Variants in GRIK4 observed in about 807,000 individuals in gnomAD.
The protein encoded by GRIK4 is glutamate ionotropic receptor kainate type subunit 4.
In GRIK4, 40 loss-of-function variants were observed where a neutral mutation model predicts 104.9. The observed-to-expected ratio is 0.38, with a 90% CI of 0.30 to 0.50. GRIK4 has a LOEUF of 0.50. Among genes scored for constraint, GRIK4 ranks in the 20% least tolerant of loss-of-function variants. The probability of loss-of-function intolerance (pLI) is 0.93; values close to 1 mark genes in which losing one functional copy is unlikely to be tolerated. For synonymous variants in GRIK4, 485 were observed against 524.9 expected, an observed-to-expected ratio of 0.92 and a Z score of 1.04; for missense variants, 1,047 against 1,308.1, an observed-to-expected ratio of 0.80 and a Z score of 3.08.
At chr11:120,946,151 A>G (rs11218071) in intron 14 of GRIK4, among the ~76,000 whole-genome samples, 36,091 of 152,186 alleles carry the variant, frequency 0.24, 4,506 homozygotes, top group East Asian at 0.36. Flanking sequence ...AACCATTTCT[A>G]TTTGACGTTA....
intron 1 of GRIK4, chr11:120,514,885 C>T (rs146204851): frequency 9.1e-6 from 4 of 439,622 alleles, no homozygotes; most frequent in South Asian, 4.9e-5. Flanking sequence ...CCTACTTGGG[C>T]CTTTGGCTGT....
intron 13 of GRIK4, among the ~76,000 whole-genome samples, chr11:120,913,230 GA>G (rs1943036894): frequency 6.6e-6 from 1 of 152,126 alleles, no homozygotes; most frequent in African/African-American, 2.4e-5. Context: ...TTTCCCTGCA[GA>G]AATTACAGCC....
chr11:120,643,749 G>C (rs112772180), intron 1 of GRIK4, among the ~76,000 whole-genome samples: 4 of 152,272 alleles, frequency 2.6e-5, no homozygotes, highest in African/African-American at 9.6e-5. Flanking sequence ...GGTTGTTGTA[G>C]GATTTGACGA....
intron 19 of GRIK4, among the ~76,000 whole-genome samples, chr11:120,978,830 T>C (rs1944604535): frequency 6.6e-6 from 1 of 151,388 alleles, no homozygotes; most frequent in Admixed American, 6.6e-5. Flanking sequence ...ATTGAGGAGA[T>C]TGGAAGAGAG....
intron 3 of GRIK4, among the ~76,000 whole-genome samples, chr11:120,708,053 G>A (rs1179847219): frequency 3.9e-5 from 6 of 152,198 alleles, no homozygotes; most frequent in African/African-American, 1.4e-4. Flanking sequence ...AGGAATGCCA[G>A]AGACACATCA....
Position 120,930,164 on chromosome 11 carries a change from T to G in GRIK4, c.1477-10183T>G, listed in dbSNP as rs528059398. On this transcript the variant is annotated intron_variant, in intron 13 of 20. Transcript: ENST00000527524. ...GTACATGGGGGTCTGAAGCTAGCTT[T>G]CTTCATGTCCTAGCTGCGTGTATTT... 1.3e-3 allele frequency among the ~76,000 whole-genome samples: 192 copies of G among 152,318 alleles called. 1 individual carries two copies. The highest frequency in any genetic ancestry group is 4.5e-3 in the African/African-American group (188 of 41,574).
At chr11:120,871,697 G>A in intron 9 of GRIK4, 1 of 456,342 alleles carries the variant, frequency 2.2e-6, no homozygotes, top group Non-Finnish European at 4.4e-6. Context: ...TGTGGAGAGT[G>A]GGAAGGTGTT....
chr11:120,586,432 T>C (rs1396187496), intron 1 of GRIK4, among the ~76,000 whole-genome samples: 1 of 152,002 alleles, frequency 6.6e-6, no homozygotes, highest in African/African-American at 2.4e-5. Flanking sequence ...GGCCTTCATT[T>C]AGGGAGAGCA....
At chr11:120,665,804 C>T (rs963394512) in intron 3 of GRIK4, among the ~76,000 whole-genome samples, 2 of 152,222 alleles carry the variant, frequency 1.3e-5, no homozygotes, top group Non-Finnish European at 2.9e-5. Flanking sequence ...CCTTGCTCCT[C>T]CCCTGCCACC....
In GRIK4 at chr11:120,532,890, G is replaced by T. The variant is rs114278268; in HGVS notation, c.-159+21003G>T. ...GCCTGGAGACTTAGGGGATGAGCCC[G>T]GTAGGGCTGCTGGCTTCATTCACTC... is the stretch of plus-strand genomic sequence containing the variant. On this transcript the variant is annotated intron_variant, in intron 1 of 20. Coordinates refer to ENST00000527524, the MANE Select transcript of GRIK4 (RefSeq NM_014619.5). 3.6e-3 allele frequency among the ~76,000 whole-genome samples: 555 copies of T among 152,252 alleles called. 7 individuals carry two copies. The highest frequency in any genetic ancestry group is 0.013 in the African/African-American group (534 of 41,552).
intron 3 of GRIK4, among the ~76,000 whole-genome samples, chr11:120,725,926 A>G (rs889024722): frequency 5.3e-5 from 8 of 152,212 alleles, no homozygotes; most frequent in African/African-American, 1.9e-4. Flanking sequence ...CAGACAGACA[A>G]TATTTTTATA....
At chr11:120,804,017 A>G (rs1489448822) in intron 4 of GRIK4, among the ~76,000 whole-genome samples, 1 of 152,176 alleles carries the variant, frequency 6.6e-6, no homozygotes, top group Non-Finnish European at 1.5e-5. Context: ...ACCTCCCTAC[A>G]GTCCTCCGGC....
At chr11:120,622,308 A>AT (rs1949199910) in intron 1 of GRIK4, among the ~76,000 whole-genome samples, 1 of 151,964 alleles carries the variant, frequency 6.6e-6, no homozygotes, top group Non-Finnish European at 1.5e-5. Flanking sequence ...TACTACCCCC[A>AT]TTTTTCAGAC....
At chr11:120,941,647 GA>G (rs1249107225) in intron 14 of GRIK4, among the ~76,000 whole-genome samples, 22 of 152,326 alleles carry the variant, frequency 1.4e-4, no homozygotes, top group African/African-American at 5.1e-4. Context: ...CTTATAAAAA[GA>G]AGGGAATTTG....
intron 1 of GRIK4, among the ~76,000 whole-genome samples, chr11:120,570,118 G>A (rs553355636): frequency 1.3e-5 from 2 of 152,350 alleles, no homozygotes; most frequent in African/African-American, 4.8e-5. Context: ...AGGGCGAGAT[G>A]AAGCTTAGGC....
chr11:120,986,043 C>T lies in GRIK4; in HGVS notation c.2654C>T (p.Ala885Val), dbSNP rs1033499188. 10 of 1,522,204 alleles carry T rather than the reference C, an allele frequency of 6.6e-6. No individual in the cohort carries two copies. The highest frequency in any genetic ancestry group is 4.3e-5 in the African/African-American group (3 of 69,558). 94.3% of individuals were successfully genotyped at this position (1,522,204 alleles called of 1,614,324 possible). ...IPEERRPRGT[A>V]TLSNGKLCGA... ...GAGGAGCGCCGACCGCGGGGCACGGCGACGCTCAGCAACGGGAAGCTGTGC... is the reference window on the plus strand; with the variant it reads ...GAGGAGCGCCGACCGCGGGGCACGGTGACGCTCAGCAACGGGAAGCTGTGC... The change falls in exon 21 of 21, where the codon GCG becomes GTG. Residue 885 changes from alanine to valine, a missense_variant. Around this residue, in one of 3 missense-constraint regions of GRIK4, gnomAD observed 160 missense variants for 140.9 expected, o/e 1.14. Coordinates refer to ENST00000527524, the MANE Select transcript of GRIK4 (RefSeq NM_014619.5).
intron 1 of GRIK4, among the ~76,000 whole-genome samples, chr11:120,638,920 C>T (rs1012161969): frequency 2.0e-5 from 3 of 152,010 alleles, no homozygotes; most frequent in African/African-American, 4.8e-5. Context: ...GAGCAATAAT[C>T]CCACGCCTGA....
intron 3 of GRIK4, among the ~76,000 whole-genome samples, chr11:120,786,037 C>A (rs1288759162): frequency 6.6e-6 from 1 of 152,214 alleles, no homozygotes; most frequent in Non-Finnish European, 1.5e-5. Context: ...TTCCCCCATT[C>A]TTTCCCGATC....
At chr11:120,678,334 T>C (rs1252015596) in intron 3 of GRIK4, among the ~76,000 whole-genome samples, 2 of 152,166 alleles carry the variant, frequency 1.3e-5, no homozygotes, top group Non-Finnish European at 2.9e-5. Context: ...AGGTTAAAAT[T>C]GAGAGCTGAG....
Sources: allele counts gnomAD v4.1 joint callset (sites outside exome capture counted in the v4.1 genomes callset), GRCh38; gene constraint gnomAD v4.1.1; regional missense constraint gnomAD v4.1.1; transcripts MANE v1.5; gene names NCBI Gene and HGNC (gene_info 2026-07-23, HGNC 2026-07-21).